The following DMD variants were observed in gnomAD, a reference collection of about 807,000 sequenced individuals.
DMD encodes dystrophin.
In DMD, 63 loss-of-function variants were observed where a neutral mutation model predicts 330.1. That is an observed-to-expected ratio of 0.19 (90% CI 0.16 to 0.24). The LOEUF is 0.24. Ranked by LOEUF, DMD falls within the 10% of genes least tolerant of loss-of-function variation. The probability of loss-of-function intolerance (pLI) is 1.00; values close to 1 mark genes in which losing one functional copy is unlikely to be tolerated. For synonymous variants in DMD, 1,223 were observed against 959.8 expected (o/e 1.27, Z -5.07); for missense variants, 3,344 against 2,684.1 (o/e 1.25, Z -5.43).
chrX:31,364,622 T>C (rs930987845), intron 60 of DMD, among the ~76,000 whole-genome samples: 1 of 112,214 alleles, frequency 8.9e-6, no homozygotes, highest in African/African-American at 3.2e-5. Flanking sequence ...ACAATAACTA[T>C]TCAGAGCAAC....
chrX:32,774,945 A>G (rs1216446332), intron 7 of DMD, among the ~76,000 whole-genome samples: 1 of 112,342 alleles, frequency 8.9e-6, no homozygotes, highest in Admixed American at 9.4e-5. Flanking sequence ...AGCCTGTAAA[A>G]CCAAAAGCAA....
chrX:31,677,568 TTC>T (rs1050263312), intron 53 of DMD, among the ~76,000 whole-genome samples: 2 of 112,257 alleles, frequency 1.8e-5, no homozygotes, highest in African/African-American at 6.5e-5. Flanking sequence ...AACCACATGA[TTC>T]TATATATTAC....
At position 32,152,268 on chromosome X, in the gene DMD, T is replaced by C. The variant is rs1735767179; in HGVS notation, c.6438+64648A>G. Among the ~76,000 whole-genome samples the C allele has an allele frequency of 9.0e-5, 10 of 111,342 alleles. No homozygotes were observed. In the Admixed American group the frequency reaches 9.6e-4, roughly 11 times the overall value. ...CTGTCGGAAATTGATTTTTTAAAGA[T>C]GGGGGGTGGGCGTTGAGTAAATCTA... On this transcript the variant is annotated intron_variant, in intron 44 of 78. Transcript: ENST00000357033.
intron 61 of DMD, among the ~76,000 whole-genome samples, chrX:31,329,026 C>G (rs1601900079): frequency 8.9e-6 from 1 of 112,393 alleles, no homozygotes; most frequent in East Asian, 2.8e-4. Context: ...ATCTATACAA[C>G]AGATCTTTCA....
chrX:32,807,061 A>G (rs1035130464), intron 7 of DMD, among the ~76,000 whole-genome samples: 2 of 105,069 alleles, frequency 1.9e-5, no homozygotes, highest in East Asian at 5.9e-4. Flanking sequence ...AGCAAATCAA[A>G]AGCTAGCAGA....
rs1602795719 is a variant in DMD at position 33,022,969 on chromosome X, T to C, written c.32-2769A>G. ...AATTTGGCAATGCATAACTTATTTG[T>C]CTGTATGAACTGATCTAGAACTGAA... On this transcript the variant is annotated intron_variant, in intron 1 of 78. Transcript: ENST00000357033. Among the ~76,000 whole-genome samples, 3 of 111,903 alleles carry C rather than the reference T, an allele frequency of 2.7e-5. No homozygotes were observed. The Admixed American group carries it at 2.9e-4, about 11-fold the overall frequency.
chrX:31,515,246 T>C (rs1334837178), intron 55 of DMD, among the ~76,000 whole-genome samples: 1 of 111,731 alleles, frequency 9.0e-6, no homozygotes, highest in Non-Finnish European at 1.9e-5. Flanking sequence ...TGTGATACTA[T>C]TCTAGAACAT....
intron 7 of DMD, among the ~76,000 whole-genome samples, chrX:32,777,803 AGTTACTGT>A (rs1431240000): frequency 8.9e-6 from 1 of 112,654 alleles, no homozygotes; most frequent in African/African-American, 3.2e-5. Context: ...GGATGGCAAC[AGTTACTGT>A]GTAAAAATTT....
At chrX:32,094,555 T>G (rs1222071173) in intron 44 of DMD, among the ~76,000 whole-genome samples, 3 of 112,224 alleles carry the variant, frequency 2.7e-5, no homozygotes, top group Non-Finnish European at 5.6e-5. Context: ...TAGAGTCTAT[T>G]TATTTTAGAT....
intron 2 of DMD, among the ~76,000 whole-genome samples, chrX:33,009,556 GTATGTGTGTATGTGTATATACACA>G (rs2093572405): frequency 1.5e-5 from 1 of 65,834 alleles, no homozygotes; most frequent in Non-Finnish European, 3.3e-5. Context: ...ACATATGTGT[GTATGTGTGTATGTGTATATACACA>G]TATGTGTGTA....
chrX:32,538,485 C>G (rs950138718), intron 17 of DMD, among the ~76,000 whole-genome samples: 4 of 110,612 alleles, frequency 3.6e-5, no homozygotes, highest in African/African-American at 1.3e-4. Context: ...TATCTCCCTT[C>G]CGTGACTCTC....
chrX:31,138,278 C>T (rs1297717847), intron 76 of DMD, among the ~76,000 whole-genome samples: 1 of 111,366 alleles, frequency 9.0e-6, no homozygotes, highest in African/African-American at 3.3e-5. Flanking sequence ...AAAAGTTCAG[C>T]CAAACAACAG....
intron 54 of DMD, among the ~76,000 whole-genome samples, chrX:31,629,363 GCA>G (rs1445405752): frequency 3.6e-5 from 4 of 111,561 alleles, no homozygotes; most frequent in Admixed American, 9.5e-5. Flanking sequence ...TTTTTGCTGA[GCA>G]CACAGTCTTC....
intron 63 of DMD, among the ~76,000 whole-genome samples, chrX:31,242,443 T>C (rs778625253): frequency 3.6e-5 from 4 of 109,964 alleles, no homozygotes; most frequent in Non-Finnish European, 7.6e-5. Flanking sequence ...TAGAACAATG[T>C]TTTTTTCCAC....
chrX:32,058,267 C>A (rs961346380), intron 44 of DMD, among the ~76,000 whole-genome samples: 1 of 109,801 alleles, frequency 9.1e-6, no homozygotes, highest in African/African-American at 3.3e-5. Flanking sequence ...TTCTACAAAG[C>A]AAGGGAAACA....
intron 57 of DMD, among the ~76,000 whole-genome samples, chrX:31,492,449 C>T (rs1006536571): frequency 4.5e-5 from 5 of 112,088 alleles, no homozygotes; most frequent in Non-Finnish European, 9.4e-5. Flanking sequence ...ACTGTTCTCT[C>T]ATCAGCACTC....
chrX:32,737,495 C>T (rs759079575), intron 7 of DMD, among the ~76,000 whole-genome samples: 2 of 111,328 alleles, frequency 1.8e-5, no homozygotes, highest in South Asian at 3.8e-4. Context: ...AAAAAAGACT[C>T]CACAAGTCTT....
intron 61 of DMD, among the ~76,000 whole-genome samples, chrX:31,343,505 T>A (rs1028851156): frequency 3.1e-4 from 35 of 111,239 alleles, no homozygotes; most frequent in Non-Finnish European, 6.0e-4. Context: ...ATTCTTTTTT[T>A]TAGTAAAAGG....
rs140913030 is a variant in DMD at position 32,346,053 on chromosome X, C to G, written c.5476G>C (p.Glu1826Gln). ...MNEDNEGTVK[E>Q]LLQRGDNLQQ... is the part of the protein sequence containing the mutation. Reference sequence around the variant, plus strand: ...AAGTTGTCTCCTCTTTGCAACAATTCTTTTACAGTACCCTCATTGTCTTCA... The same window carrying G: ...AAGTTGTCTCCTCTTTGCAACAATTGTTTTACAGTACCCTCATTGTCTTCA... The change falls in exon 39 of 79, where the codon GAA (glutamate) becomes CAA (glutamine). Residue 1826 changes from glutamate to glutamine, a missense_variant. Glu to Gln is a conservative substitution (Grantham distance 29). Transcript: ENST00000357033. The G allele has an allele frequency of 1.7e-4, 209 of 1,207,945 alleles. No homozygotes were observed. The African/African-American group carries it at 3.2e-3, about 19-fold the overall frequency.
Sources: allele counts gnomAD v4.1 joint callset (sites outside exome capture counted in the v4.1 genomes callset), GRCh38; gene constraint gnomAD v4.1.1; transcripts MANE v1.5; gene names NCBI Gene and HGNC (gene_info 2026-07-23, HGNC 2026-07-21).